Variants in TNKS observed in about 807,000 individuals in gnomAD.
TNKS encodes tankyrase, also known as poly [ADP-ribose] polymerase tankyrase-1.
In TNKS, 72 loss-of-function variants were observed where a neutral mutation model predicts 135.8. The ratio of observed to expected loss-of-function variants is 0.53; its 90% CI spans 0.44 to 0.64. The LOEUF is 0.64. Ranked by LOEUF, TNKS falls within the 30% of genes least tolerant of loss-of-function variation. The probability of loss-of-function intolerance (pLI) is 0.00; values close to 1 mark genes in which losing one functional copy is unlikely to be tolerated. For synonymous variants in TNKS, 849 were observed against 649.3 expected (o/e 1.31, Z -4.68); for missense variants, 1,769 against 1,674.0 (o/e 1.06, Z -0.99).
chr8:9,678,741 A>G (rs1347533635), intron 3 of TNKS, among the ~76,000 whole-genome samples: 1 of 152,214 alleles, frequency 6.6e-6, no homozygotes, highest in Non-Finnish European at 1.5e-5. Context: ...TCTTTAGCAA[A>G]ACAAAATGCG....
At chr8:9,640,856 G>A (rs1445659407) in intron 3 of TNKS, among the ~76,000 whole-genome samples, 2 of 145,830 alleles carry the variant, frequency 1.4e-5, no homozygotes, top group Non-Finnish European at 3.0e-5. Flanking sequence ...CAAGGTCACT[G>A]TGTAACTCAC....
chr8:9,752,738 T>G, intron 20 of TNKS, 112 bp downstream of exon 20: 1 of 675,950 alleles, frequency 1.5e-6, no homozygotes, highest in Non-Finnish European at 2.4e-6. Flanking sequence ...CAGGATTGCT[T>G]GAGCCCAGGA....
At chr8:9,759,650 C>A (rs376454361) in intron 20 of TNKS, among the ~76,000 whole-genome samples, 29 of 152,248 alleles carry the variant, frequency 1.9e-4, no homozygotes, top group African/African-American at 6.0e-4. Flanking sequence ...TCTGCTTCCT[C>A]CAGACGTGCA....
intron 1 of TNKS, among the ~76,000 whole-genome samples, chr8:9,576,702 G>A (rs773440906): frequency 4.4e-4 from 67 of 151,930 alleles, no homozygotes; most frequent in Non-Finnish European, 9.1e-4. Flanking sequence ...AACACATGGG[G>A]ATTCCAATTC....
At chr8:9,751,048 C>T (rs150181903) in intron 18 of TNKS, among the ~76,000 whole-genome samples, 46 of 146,718 alleles carry the variant, frequency 3.1e-4, no homozygotes, top group African/African-American at 1.0e-3. Context: ...ACTCACAGGG[C>T]AAACCACATT....
chr8:9,608,411 C>T (rs535732726), intron 2 of TNKS, among the ~76,000 whole-genome samples: 2 of 152,166 alleles, frequency 1.3e-5, no homozygotes, highest in East Asian at 1.9e-4. Context: ...TGCTAAGGTG[C>T]GTCAGGTGTG....
chr8:9,594,254 T>G (rs1050155924), intron 2 of TNKS, among the ~76,000 whole-genome samples: 7 of 152,226 alleles, frequency 4.6e-5, no homozygotes, highest in African/African-American at 1.7e-4. Flanking sequence ...TTAACAGCAT[T>G]ATTAGAAGTG....
chr8:9,567,971 A>G (rs910287475), intron 1 of TNKS, among the ~76,000 whole-genome samples: 6 of 152,192 alleles, frequency 3.9e-5, no homozygotes, highest in Non-Finnish European at 5.9e-5. Flanking sequence ...CATAGTGGAC[A>G]TTTTAGCCTC....
intron 26 of TNKS, among the ~76,000 whole-genome samples, chr8:9,771,994 A>C (rs1272177640): frequency 1.6e-5 from 1 of 63,198 alleles, no homozygotes; most frequent in Non-Finnish European, 3.3e-5. Context: ...GGAGGGAAGA[A>C]GGGATAGGCA....
chr8:9,557,442 A>G (rs1015823472), intron 1 of TNKS: 1 of 151,464 alleles, frequency 6.6e-6, no homozygotes, highest in African/African-American at 2.4e-5. Flanking sequence ...TCTCTCAAAG[A>G]CACCTAATAA....
At chr8:9,714,379 A>G (rs1357040247) in intron 11 of TNKS, among the ~76,000 whole-genome samples, 3 of 151,938 alleles carry the variant, frequency 2.0e-5, no homozygotes, top group African/African-American at 7.3e-5. Context: ...TATGTAGTAT[A>G]GTGCTTAACA....
rs555226514 is a variant in TNKS at position 9,567,239 on chromosome 8, A to G, written c.673+10627A>G. Among the ~76,000 whole-genome samples the G allele has an allele frequency of 2.6e-5, 4 of 152,338 alleles. No homozygotes were observed. The East Asian group carries it at 7.7e-4, about 29-fold the overall frequency. On this transcript the variant is annotated intron_variant, in intron 1 of 26. Transcript: ENST00000310430. Reference sequence around the variant, plus strand: ...AGTCCTTCTCTTAGGCATTTAAAGTAAAACTTTTTTGTAAGTATGGTATTG... The same window carrying G: ...AGTCCTTCTCTTAGGCATTTAAAGTGAAACTTTTTTGTAAGTATGGTATTG...
rs202216265 is a variant in TNKS at position 9,595,841 on chromosome 8, AG to A, written c.898+15459del. Among the ~76,000 whole-genome samples the A allele has an allele frequency of 9.3e-3, 1,419 of 152,312 alleles. 15 individuals are homozygous for A. Among genetic ancestry groups the A allele is most frequent in the African/African-American group, 0.033 (1,371 of 41,550 alleles). On this transcript the variant is annotated intron_variant, in intron 2 of 26. Coordinates refer to ENST00000310430, the MANE Select transcript of TNKS (RefSeq NM_003747.3). ...ACAATCTATGGGTTAGGTTAGGTGC[AG>A]TGACTCATACCTCTAATCTTGGCAC...
chr8:9,594,738 T>C (rs897909557), intron 2 of TNKS, among the ~76,000 whole-genome samples: 5 of 152,230 alleles, frequency 3.3e-5, no homozygotes, highest in African/African-American at 1.2e-4. Flanking sequence ...CCATTTAGGC[T>C]ATTTTTGTAC....
chr8:9,769,566 G>T (rs1049280689), intron 25 of TNKS, among the ~76,000 whole-genome samples: 9 of 142,042 alleles, frequency 6.3e-5, no homozygotes, highest in Admixed American at 2.8e-4. Context: ...TTTTTCTCTG[G>T]TTTTTTCCCT....
intron 12 of TNKS, among the ~76,000 whole-genome samples, chr8:9,721,021 C>G (rs7462055): frequency 0.7 from 106,209 of 151,728 alleles, 37,729 homozygotes; most frequent in Admixed American, 0.8. Flanking sequence ...GTGGCTCACT[C>G]CTGTAATCCC....
At chr8:9,701,278 CATTT>C (rs773731020) in intron 5 of TNKS, among the ~76,000 whole-genome samples, 2 of 152,146 alleles carry the variant, frequency 1.3e-5, no homozygotes, top group Non-Finnish European at 2.9e-5. Context: ...TGCATTCATT[CATTT>C]GAGAACTTTT....
chr8:9,740,646 C>T (rs1340838805), intron 17 of TNKS, among the ~76,000 whole-genome samples: 1 of 152,028 alleles, frequency 6.6e-6, no homozygotes, highest in East Asian at 1.9e-4. Flanking sequence ...CTTGAAACTA[C>T]AGTATTTAAA....
chr8:9,615,646 G>C lies in TNKS; in HGVS notation c.963G>C (p.Leu321=). 3 of 1,613,276 alleles carry C rather than the reference G, an allele frequency of 1.9e-6. No homozygotes were observed. The highest frequency in any genetic ancestry group is 2.5e-6 in the Non-Finnish European group (3 of 1,179,654). The change falls in exon 3 of 27, where the codon CTG becomes CTC. Residue 321 remains leucine (L), a synonymous_variant. Transcript: ENST00000310430. Reference sequence around the variant, plus strand: ...CTGATGGGAAATCAGCCCTGGACCTGGCAGATCCTTCAGCAAAAGCTGTCC... The same window carrying C: ...CTGATGGGAAATCAGCCCTGGACCTCGCAGATCCTTCAGCAAAAGCTGTCC... The part of the protein sequence containing the change: ...RNTDGKSALD[L]ADPSAKAVLT...
Sources: allele counts gnomAD v4.1 joint callset (sites outside exome capture counted in the v4.1 genomes callset), GRCh38; gene constraint gnomAD v4.1.1; transcripts MANE v1.5; gene names NCBI Gene and HGNC (gene_info 2026-07-23, HGNC 2026-07-21).